EGFL6: variants seen among roughly 807,000 people sequenced by gnomAD.
EGFL6 encodes epidermal growth factor-like protein 6.
In EGFL6, 42 loss-of-function variants were observed where a neutral mutation model predicts 43.1. The ratio of observed to expected loss-of-function variants is 0.98; its 90% CI spans 0.76 to 1.26. The LOEUF is 1.26. Ranked by LOEUF, EGFL6 falls within the 50% of genes most tolerant of loss-of-function variation. The pLI is 0.00. For synonymous variants in EGFL6, 164 were observed against 163.2 expected, an observed-to-expected ratio of 1.01 and a Z score of -0.04; for missense variants, 429 against 427.8, an observed-to-expected ratio of 1.00 and a Z score of -0.02.
intron 7 of EGFL6, among the ~76,000 whole-genome samples, chrX:13,613,178 A>ATATATG (rs2146701786): frequency 9.6e-6 from 1 of 103,977 alleles, no homozygotes; most frequent in African/African-American, 3.6e-5. Context: ...ATATATATAT[A>ATATATG]TGTCATATAT....
intron 7 of EGFL6, among the ~76,000 whole-genome samples, chrX:13,613,176 A>ATG (rs1267069222): frequency 9.6e-6 from 1 of 104,144 alleles, no homozygotes; most frequent in East Asian, 2.9e-4. Flanking sequence ...ATATATATAT[A>ATG]TATGTCATAT....
chrX:13,633,170 C>T lies in EGFL6; in HGVS notation c.*75C>T. 1.2e-6 allele frequency: 1 copy of T among 867,390 alleles called. No homozygotes were observed. Among genetic ancestry groups the T allele is most frequent in the Non-Finnish European group, 1.6e-6 (1 of 622,717 alleles). The allele number at this position is 867,390 out of a possible 1,213,427, so 71.5% of individuals were successfully genotyped here. ...TGATATTGCATCATAGGACCTCTGG[C>T]ATTTTAGAATTACTAGCTGAAAAAT... On this transcript the variant is annotated 3_prime_UTR_variant, in exon 12 of 12. Transcript: ENST00000361306.
chrX:13,605,246 C>A (rs957915488), intron 5 of EGFL6, among the ~76,000 whole-genome samples: 11 of 110,990 alleles, frequency 9.9e-5, no homozygotes, highest in African/African-American at 2.0e-4. Context: ...CCAGCCTGGG[C>A]AATATAGCAA....
chrX:13,630,951 A>T (rs1244920543), intron 11 of EGFL6, among the ~76,000 whole-genome samples: 1 of 112,719 alleles, frequency 8.9e-6, no homozygotes, highest in Non-Finnish European at 1.9e-5. Flanking sequence ...TATAAGTTTG[A>T]GCTTAAAAAG....
In EGFL6 at chrX:13,625,896, A is replaced by AAAG. The variant is rs1220036914; in HGVS notation, c.1286-1113_1286-1112insGAA. On this transcript the variant is annotated intron_variant, in intron 10 of 11. Transcript: ENST00000361306. ...GTGAGACCCTGCCTCAAAAAAAAAA[A>AAAG]AAAAAAAGAAAAAGAAAAAAAGAAA... 1.3e-4 allele frequency among the ~76,000 whole-genome samples: 12 copies of AAAG among 91,646 alleles called. No homozygotes were observed. In the South Asian group the frequency reaches 1.7e-3, roughly 13 times the overall value. 79.6% of individuals were successfully genotyped at this position (91,646 alleles called of 115,157 possible).
Position 13,594,022 on chromosome X carries a change from G to C in EGFL6, c.188-814G>C, listed in dbSNP as rs143869048. ...TATCCAGAAACTGCTGAGAGTCCTT[G>C]ATACCCTAAAAGTCTCCTTTCTCTC... On this transcript the variant is annotated intron_variant, in intron 2 of 11. Coordinates refer to ENST00000361306, the MANE Select transcript of EGFL6 (RefSeq NM_015507.4). Among the ~76,000 whole-genome samples the C allele has an allele frequency of 6.3e-5, 7 of 111,000 alleles. No homozygotes were observed. The East Asian group carries it at 2.0e-3, about 31-fold the overall frequency.
At chrX:13,629,793 T>C (rs2045801110) in intron 11 of EGFL6, among the ~76,000 whole-genome samples, 1 of 111,896 alleles carries the variant, frequency 8.9e-6, no homozygotes, top group African/African-American at 3.2e-5. Flanking sequence ...ATTTCCTCAT[T>C]CAGGGTTGGG....
intron 8 of EGFL6, among the ~76,000 whole-genome samples, chrX:13,618,537 G>T (rs181912430): frequency 8.9e-5 from 10 of 112,702 alleles, no homozygotes; most frequent in African/African-American, 3.2e-4. Context: ...AAATGTAGGA[G>T]GACAAATTTT....
Position 13,627,067 on chromosome X carries a change from C to T in EGFL6, c.1342C>T (p.Arg448Ter), listed in dbSNP as rs778171871. 8.3e-6 allele frequency: 10 copies of T among 1,210,544 alleles called. No homozygotes were observed. Among genetic ancestry groups the T allele is most frequent in the South Asian group, 1.8e-5 (1 of 56,869 alleles). Residue 448 changes from arginine to a stop codon, truncating the protein, a stop_gained, in exon 11 of 12, where the codon CGA (arginine) becomes TGA (stop). Transcript: ENST00000361306. LOFTEE classifies it high-confidence loss of function. ...GGCAGGTCACAAGAAAGACATTGGC[C>T]GATTGAAACTTCTCCTACCTGACCT... Reference protein sequence around the residue: ...ALAGHKKDIGRLKLLLPDLQP... With the variant: ...ALAGHKKDIG
In EGFL6 at chrX:13,627,848, C is replaced by T. The variant is rs756604697; in HGVS notation, c.1551+572C>T. ...CCAGGAGAGACCAGGCAGAGGCTTGCAGTTTTTGTCTCCCAGTAGAGTCAT... is the reference window on the plus strand; with the variant it reads ...CCAGGAGAGACCAGGCAGAGGCTTGTAGTTTTTGTCTCCCAGTAGAGTCAT... On this transcript the variant is annotated intron_variant, in intron 11 of 11. Transcript: ENST00000361306. Among the ~76,000 whole-genome samples, 13 of 111,808 alleles carry T rather than the reference C, an allele frequency of 1.2e-4. No individual in the cohort carries two copies. In the South Asian group the frequency reaches 4.5e-3, roughly 39 times the overall value.
chrX:13,593,084 T>C (rs184751037), intron 2 of EGFL6, among the ~76,000 whole-genome samples: 1,538 of 109,435 alleles, frequency 0.014, 15 homozygotes, highest in Non-Finnish European at 0.023. Context: ...CTGGCTAATT[T>C]TTGTATTTTT....
intron 9 of EGFL6, among the ~76,000 whole-genome samples, chrX:13,621,756 A>T (rs1334502240): frequency 8.9e-6 from 1 of 112,602 alleles, no homozygotes; most frequent in African/African-American, 3.2e-5. Flanking sequence ...TGCCTGCAAG[A>T]GAATATAAGT....
intron 4 of EGFL6, among the ~76,000 whole-genome samples, chrX:13,601,578 G>A (rs1285881330): frequency 3.6e-5 from 4 of 111,615 alleles, no homozygotes; most frequent in Non-Finnish European, 7.5e-5. Flanking sequence ...GGGTTTTCCC[G>A]AGATTATAAA....
chrX:13,587,742 T>G (rs958891911), intron 1 of EGFL6, among the ~76,000 whole-genome samples: 2 of 112,149 alleles, frequency 1.8e-5, no homozygotes, highest in Non-Finnish European at 3.8e-5. Flanking sequence ...TAGCATGCTA[T>G]CCTATACTTG....
At chrX:13,620,809 G>A (rs1169039218) in intron 9 of EGFL6, among the ~76,000 whole-genome samples, 2 of 111,581 alleles carry the variant, frequency 1.8e-5, no homozygotes, top group Non-Finnish European at 3.8e-5. Context: ...GAAGGAATCC[G>A]TTGACTCCTC....
At chrX:13,581,813 T>G (rs1277926989) in intron 1 of EGFL6, among the ~76,000 whole-genome samples, 3 of 112,165 alleles carry the variant, frequency 2.7e-5, no homozygotes, top group Non-Finnish European at 5.6e-5. Flanking sequence ...TTAAAGAAAC[T>G]GGGCAATTCA....
chrX:13,608,442 T>C lies in EGFL6; in HGVS notation c.774T>C (p.Cys258=). Reference sequence around the variant, plus strand: ...GATATAAAGGCAATGGACTTCGGTGTTCTGGTAAGTAGCATTTGGTCATGG... The same window carrying C: ...GATATAAAGGCAATGGACTTCGGTGCTCTGGTAAGTAGCATTTGGTCATGG... The part of the protein sequence containing the change: ...KQGYKGNGLR[C]SAIPENSVKE... The change falls in exon 7 of 12, where the codon TGT becomes TGC. Residue 258 remains cysteine (C), a synonymous_variant. Transcript: ENST00000361306. The C allele has an allele frequency of 8.3e-7, 1 of 1,210,651 alleles. No individual in the cohort carries two copies. Among genetic ancestry groups the C allele is most frequent in the Non-Finnish European group, 1.1e-6 (1 of 894,730 alleles).
chrX:13,631,815 TAAAAC>T (rs200668032), intron 11 of EGFL6, among the ~76,000 whole-genome samples: 1,386 of 111,283 alleles, frequency 0.012, 25 homozygotes, highest in African/African-American at 0.043. Context: ...TATAAATAAA[TAAAAC>T]AAAATCTTCA....
chrX:13,632,364 C>G lies in EGFL6; in HGVS notation c.1552-621C>G, dbSNP rs1339835180. Reference sequence around the variant, plus strand: ...TCGCCCAGGCTGGAGTGCAGTGGCGCGATCTCGGCTCACTGCAAGCTCCGC... The same window carrying G: ...TCGCCCAGGCTGGAGTGCAGTGGCGGGATCTCGGCTCACTGCAAGCTCCGC... On this transcript the variant is annotated intron_variant, in intron 11 of 11. Transcript: ENST00000361306. Among the ~76,000 whole-genome samples the G allele has an allele frequency of 3.1e-5, 3 of 96,541 alleles. No individual in the cohort carries two copies. The Admixed American group carries it at 3.6e-4, about 11-fold the overall frequency. 83.8% of individuals were successfully genotyped at this position (96,541 alleles called of 115,157 possible). A position where few individuals can be genotyped will look rare whatever the true frequency, so the allele number is the denominator to read the frequency against.
Sources: gnomAD v4.1 joint callset for allele counts (sites outside exome capture counted in the v4.1 genomes callset) on GRCh38, gnomAD v4.1.1 for gene constraint, MANE v1.5 for transcripts, NCBI Gene and HGNC (gene_info 2026-07-23, HGNC 2026-07-21) for gene names.